GALNT13: variants seen among roughly 807,000 people sequenced by gnomAD.
GALNT13 encodes UDP-GalNAc:polypeptide N-acetylgalactosaminyltransferase 13.
A neutral mutation model predicts 64.2 loss-of-function variants in GALNT13; 28 were observed. That is an observed-to-expected ratio of 0.44 (90% CI 0.32 to 0.60). The LOEUF (loss-of-function observed/expected upper bound fraction) is 0.60. Among genes scored for constraint, GALNT13 ranks in the 20% least tolerant of loss-of-function variants. The probability of loss-of-function intolerance (pLI) is 0.05; values close to 1 mark genes in which losing one functional copy is unlikely to be tolerated. For synonymous variants in GALNT13, 214 were observed against 224.6 expected, an observed-to-expected ratio of 0.95 and a Z score of 0.42; for missense variants, 577 against 669.8, an observed-to-expected ratio of 0.86 and a Z score of 1.53.
chr2:154,110,316 T>G (rs867202983), intron 3 of GALNT13, among the ~76,000 whole-genome samples: 15 of 40,996 alleles, frequency 3.7e-4, no homozygotes, highest in African/African-American at 9.3e-4. Context: ...TATATATATA[T>G]ATATATATAT....
the GALNT13 span, among the ~76,000 whole-genome samples, chr2:153,450,652 A>G: frequency 6.6e-6 from 1 of 150,672 alleles, no homozygotes. Flanking sequence ...GCAGATGTCT[A>G]TTATATTCCG....
intron 3 of GALNT13, among the ~76,000 whole-genome samples, chr2:153,996,693 A>G (rs1695546175): frequency 6.6e-6 from 1 of 151,950 alleles, no homozygotes; most frequent in African/African-American, 2.4e-5. Flanking sequence ...TCATCTGCCC[A>G]TTTTTCTTTT....
chr2:153,427,371 G>A, the GALNT13 span, among the ~76,000 whole-genome samples: 2 of 152,140 alleles, frequency 1.3e-5, no homozygotes, highest in Non-Finnish European at 2.9e-5. Flanking sequence ...ATCAGAGTTT[G>A]AGCTGTAGAA....
chr2:153,495,606 A>G, the GALNT13 span, among the ~76,000 whole-genome samples: 2 of 152,248 alleles, frequency 1.3e-5, no homozygotes, highest in Admixed American at 1.3e-4. Context: ...TGCAAACAAC[A>G]TATTGGATGA....
chr2:153,360,199 C>A, the GALNT13 span, among the ~76,000 whole-genome samples: 930 of 152,256 alleles, frequency 6.1e-3, 11 homozygotes, highest in African/African-American at 0.021. Flanking sequence ...GCAGGGGAGC[C>A]CCCAACCCCC....
At chr2:154,311,222 T>G (rs1466825488) in intron 9 of GALNT13, among the ~76,000 whole-genome samples, 1 of 152,168 alleles carries the variant, frequency 6.6e-6, no homozygotes, top group African/African-American at 2.4e-5. Flanking sequence ...TATTTATTTA[T>G]ATTTGTATAG....
At chr2:153,673,568 A>T in the GALNT13 span, among the ~76,000 whole-genome samples, 1 of 150,640 alleles carries the variant, frequency 6.6e-6, no homozygotes. Flanking sequence ...TCAAAATAAT[A>T]AGAGCTATTT....
At chr2:153,414,138 G>A in the GALNT13 span, among the ~76,000 whole-genome samples, 32 of 152,248 alleles carry the variant, frequency 2.1e-4, no homozygotes, top group Admixed American at 1.6e-3. Context: ...CACTTTGGGA[G>A]TCTGAGGCGG....
At chr2:154,193,652 T>G (rs1362161483) in intron 4 of GALNT13, among the ~76,000 whole-genome samples, 1 of 152,202 alleles carries the variant, frequency 6.6e-6, no homozygotes, top group Non-Finnish European at 1.5e-5. Context: ...TGCACCCTAG[T>G]ACCATAGCAA....
the GALNT13 span, among the ~76,000 whole-genome samples, chr2:153,864,708 C>A: frequency 2.6e-5 from 4 of 151,436 alleles, no homozygotes; most frequent in South Asian, 8.4e-4. Flanking sequence ...TAGGAAGAAT[C>A]AATATCGTGA....
intron 11 of GALNT13, 92 bp downstream of exon 11, chr2:154,409,174 T>C: frequency 1.2e-6 from 1 of 800,166 alleles, no homozygotes; most frequent in Non-Finnish European, 2.2e-6. Flanking sequence ...TTAATAACTA[T>C]AAACTGAGCT....
chr2:153,983,406 A>G (rs1300303985), intron 3 of GALNT13, among the ~76,000 whole-genome samples: 8 of 151,850 alleles, frequency 5.3e-5, no homozygotes, highest in Non-Finnish European at 8.8e-5. Flanking sequence ...ATTGATATTT[A>G]TTTATAAACT....
At chr2:154,065,930 TCAGA>T (rs113053577) in intron 3 of GALNT13, among the ~76,000 whole-genome samples, 7,601 of 152,144 alleles carry the variant, frequency 0.05, 370 homozygotes, top group African/African-American at 0.12. Flanking sequence ...ATGTGATTTT[TCAGA>T]CAGAGAATTT....
the GALNT13 span, among the ~76,000 whole-genome samples, chr2:153,474,889 A>T: frequency 0.77 from 117,271 of 151,442 alleles, 46,171 homozygotes; most frequent in Middle Eastern, 0.89. Flanking sequence ...CTGCCTGTTA[A>T]ATTTATGTAT....
chr2:153,641,036 T>A, the GALNT13 span, among the ~76,000 whole-genome samples: 2 of 152,254 alleles, frequency 1.3e-5, no homozygotes, highest in South Asian at 4.1e-4. Context: ...AGCTGAAATA[T>A]ATAAAACAGC....
intron 3 of GALNT13, among the ~76,000 whole-genome samples, chr2:154,098,327 A>G (rs1006272164): frequency 3.4e-5 from 5 of 148,464 alleles, no homozygotes; most frequent in African/African-American, 1.2e-4. Flanking sequence ...CTATTATAAA[A>G]CCTTTTGAAT....
At chr2:153,570,107 G>C in the GALNT13 span, among the ~76,000 whole-genome samples, 1 of 152,186 alleles carries the variant, frequency 6.6e-6, no homozygotes, top group East Asian at 1.9e-4. Flanking sequence ...ATCAGTATTA[G>C]TTATTGCCTG....
chr2:153,491,839 G>A, the GALNT13 span, among the ~76,000 whole-genome samples: 7 of 151,832 alleles, frequency 4.6e-5, no homozygotes, highest in East Asian at 1.9e-4. Context: ...GGCTGGACTC[G>A]AACTCCTGCC....
chr2:154,255,739 G>A lies in GALNT13; in HGVS notation c.858-3282G>A, dbSNP rs925587782. On this transcript the variant is annotated intron_variant, in intron 7 of 12. Coordinates refer to ENST00000392825, the MANE Select transcript of GALNT13 (RefSeq NM_052917.4). ...GCATTTCCTTGATCCCCAGATGGTTGAGAAGAGTCCAAAACTTTTGGAAAG... is the reference window on the plus strand; with the variant it reads ...GCATTTCCTTGATCCCCAGATGGTTAAGAAGAGTCCAAAACTTTTGGAAAG... Among the ~76,000 whole-genome samples, 15 of 152,046 alleles carry A rather than the reference G, an allele frequency of 9.9e-5. No homozygotes were observed. In the East Asian group the frequency reaches 1.4e-3, roughly 14 times the overall value.
Sources: gnomAD v4.1 joint callset for allele counts (sites outside exome capture counted in the v4.1 genomes callset) on GRCh38, gnomAD v4.1.1 for gene constraint, MANE v1.5 for transcripts, NCBI Gene and HGNC (gene_info 2026-07-23, HGNC 2026-07-21) for gene names.